The following TEX36 variants were observed in gnomAD, a reference collection of about 807,000 sequenced individuals.
TEX36 encodes testis expressed 36.
A neutral mutation model predicts 13.6 loss-of-function variants in TEX36; 12 were observed. The observed-to-expected ratio is 0.88, with a 90% CI of 0.56 to 1.43. The LOEUF is 1.43. TEX36 is among the 40% of genes most tolerant of loss of function. TEX36 has a pLI of 0.00. For missense variants in TEX36, 224 were observed against 228.3 expected (o/e 0.98, Z 0.12); for synonymous variants, 93 against 83.0 (o/e 1.12, Z -0.65).
downstream of TEX36, among the ~76,000 whole-genome samples, chr10:125,653,563 C>T (rs901164954): frequency 6.6e-6 from 1 of 151,900 alleles, no homozygotes; most frequent in Non-Finnish European, 1.5e-5. Context: ...GTGCAGCAAA[C>T]CAACATGGCA....
chr10:125,598,985 G>C, intron 3 of TEX36, among the ~76,000 whole-genome samples: 1 of 152,012 alleles, frequency 6.6e-6, no homozygotes, highest in East Asian at 1.9e-4. Flanking sequence ...AATTTCCTCT[G>C]GAATCTCATC....
At chr10:125,679,275 C>A (rs1847359664) in intron 1 of TEX36, among the ~76,000 whole-genome samples, 1 of 152,046 alleles carries the variant, frequency 6.6e-6, no homozygotes, top group Non-Finnish European at 1.5e-5. Flanking sequence ...TGCTTCTTAG[C>A]CTCAACTGTG....
downstream of TEX36, among the ~76,000 whole-genome samples, chr10:125,652,690 T>A: frequency 6.6e-6 from 1 of 152,062 alleles, no homozygotes; most frequent in Middle Eastern, 3.4e-3. Context: ...ACCATCAGAG[T>A]GAACAGGCAA....
At chr10:125,578,793 A>G (rs1845854326) in intron 3 of TEX36, among the ~76,000 whole-genome samples, 1 of 152,100 alleles carries the variant, frequency 6.6e-6, no homozygotes, top group Non-Finnish European at 1.5e-5. Context: ...CCTCTCAAAA[A>G]CCAAACCCAC....
intron 3 of TEX36, among the ~76,000 whole-genome samples, chr10:125,577,789 T>A (rs1006958057): frequency 5.3e-5 from 8 of 152,234 alleles, no homozygotes; most frequent in Non-Finnish European, 1.0e-4. Flanking sequence ...CCCTGCACAA[T>A]CCACTTCCTT....
chr10:125,633,361 G>A (rs957030225), intron 3 of TEX36, among the ~76,000 whole-genome samples: 3 of 152,164 alleles, frequency 2.0e-5, no homozygotes, highest in African/African-American at 7.2e-5. Context: ...AATTTCTTGG[G>A]CTACAGCTGA....
chr10:125,622,673 G>C (rs988458092), intron 3 of TEX36, among the ~76,000 whole-genome samples: 29 of 152,214 alleles, frequency 1.9e-4, no homozygotes, highest in African/African-American at 6.5e-4. Context: ...TAGAGCCATT[G>C]ACCTTAATCC....
At chr10:125,669,650 A>C (rs1847190145) in intron 1 of TEX36, among the ~76,000 whole-genome samples, 1 of 152,140 alleles carries the variant, frequency 6.6e-6, no homozygotes, top group African/African-American at 2.4e-5. Flanking sequence ...GTCTTGTTAC[A>C]TAGGTAAAAG....
chr10:125,663,742 T>A (rs1221531903), intron 1 of TEX36, among the ~76,000 whole-genome samples: 1 of 152,228 alleles, frequency 6.6e-6, no homozygotes, highest in Non-Finnish European at 1.5e-5. Flanking sequence ...AGTAGCTGTA[T>A]ATATTTATGG....
chr10:125,607,144 C>A (rs1219997245), intron 3 of TEX36, among the ~76,000 whole-genome samples: 1 of 152,214 alleles, frequency 6.6e-6, no homozygotes, highest in Admixed American at 6.5e-5. Flanking sequence ...GCAGGGAGAG[C>A]AAACCTAGCT....
chr10:125,674,964 G>C (rs1251102258), intron 1 of TEX36, among the ~76,000 whole-genome samples: 1 of 152,258 alleles, frequency 6.6e-6, no homozygotes, highest in African/African-American at 2.4e-5. Flanking sequence ...CATTGAGCTG[G>C]GGGAATCTCC....
chr10:125,647,545 G>A (rs1846788960), intron 3 of TEX36, among the ~76,000 whole-genome samples: 1 of 152,202 alleles, frequency 6.6e-6, no homozygotes, highest in Non-Finnish European at 1.5e-5. Context: ...ATTTGACACA[G>A]AGAAGATTCC....
intron 3 of TEX36, among the ~76,000 whole-genome samples, chr10:125,595,870 C>A (rs1846076690): frequency 6.6e-6 from 1 of 152,190 alleles, no homozygotes; most frequent in Non-Finnish European, 1.5e-5. Flanking sequence ...GTAAACCCTA[C>A]AAGGCAGGGA....
intron 1 of TEX36, 33 bp downstream of exon 1, chr10:125,682,906 G>A (rs1215224203): frequency 1.3e-6 from 2 of 1,551,482 alleles, no homozygotes; most frequent in African/African-American, 1.4e-5. Flanking sequence ...CACGTGGCAT[G>A]AGAAAGGCAC....
At position 125,630,697 on chromosome 10, in the gene TEX36, T is replaced by C. The variant is rs558360312; in HGVS notation, c.265-9052A>G. Among the ~76,000 whole-genome samples the C allele has an allele frequency of 7.9e-5, 12 of 152,282 alleles. No homozygotes were observed. The South Asian group carries it at 2.3e-3, about 29-fold the overall frequency. ...TGCATGTCGATGGGAAACTAGTGTC[T>C]GTTAGGGGGATGGCACCCGGTCCTA... On this transcript the variant is annotated intron_variant, in intron 3 of 3. Coordinates refer to the TEX36 transcript ENST00000526819.
rs1589736609 is a variant in TEX36 at position 125,577,636 on chromosome 10, A to G, written c.265-762T>C. On this transcript the variant is annotated intron_variant, in intron 3 of 3. Transcript: ENST00000532135. ...ACAACTGTAATTAACACGATAGAGT[A>G]TTTCCTCCAAGTCTTTTTTCTCCAG... Among the ~76,000 whole-genome samples the G allele has an allele frequency of 3.3e-5, 5 of 152,374 alleles. No homozygotes were observed. The South Asian group carries it at 1.0e-3, about 32-fold the overall frequency.
At chr10:125,647,576 G>C (rs1053036611) in intron 3 of TEX36, among the ~76,000 whole-genome samples, 3 of 152,180 alleles carry the variant, frequency 2.0e-5, no homozygotes, top group Non-Finnish European at 4.4e-5. Context: ...AATAGGAACA[G>C]CTCCAGTCTG....
At chr10:125,585,357 C>T (rs1263795340) in intron 3 of TEX36, among the ~76,000 whole-genome samples, 1 of 152,132 alleles carries the variant, frequency 6.6e-6, no homozygotes, top group Non-Finnish European at 1.5e-5. Context: ...GCTTAGAAGA[C>T]AATACCCCAA....
At chr10:125,641,284 A>G (rs930414912) in intron 3 of TEX36, among the ~76,000 whole-genome samples, 1 of 152,272 alleles carries the variant, frequency 6.6e-6, no homozygotes, top group Non-Finnish European at 1.5e-5. Flanking sequence ...GCAACTTTTA[A>G]GTCATGGTCC....
Sources: gnomAD v4.1 joint callset for allele counts (sites outside exome capture counted in the v4.1 genomes callset) on GRCh38, gnomAD v4.1.1 for gene constraint, MANE v1.5 for transcripts, NCBI Gene and HGNC (gene_info 2026-07-23, HGNC 2026-07-21) for gene names.